The following STPG2 variants were observed in gnomAD, a reference collection of about 807,000 sequenced individuals.
STPG2 encodes sperm tail PG-rich repeat containing 2.
STPG2 carries 56 observed loss-of-function variants against 54.2 expected under a neutral mutation model. The observed-to-expected ratio is 1.03, with a 90% CI of 0.83 to 1.29. The LOEUF is 1.29. Ranked by LOEUF, STPG2 falls within the 50% of genes most tolerant of loss-of-function variation. The pLI, the probability that STPG2 is intolerant of heterozygous loss-of-function variation, is 0.00. For synonymous variants in STPG2, 200 were observed against 181.8 expected, an observed-to-expected ratio of 1.10 and a Z score of -0.81; for missense variants, 596 against 544.9, an observed-to-expected ratio of 1.09 and a Z score of -0.93.
At chr4:98,120,603 T>C (rs1042559965) in intron 3 of STPG2, among the ~76,000 whole-genome samples, 1 of 152,204 alleles carries the variant, frequency 6.6e-6, no homozygotes, top group African/African-American at 2.4e-5. Context: ...ATAATCGCCA[T>C]TCTGACTGGT....
chr4:97,747,221 C>A (rs1725445206), intron 9 of STPG2, among the ~76,000 whole-genome samples: 1 of 151,300 alleles, frequency 6.6e-6, no homozygotes. Flanking sequence ...AACTTCCATG[C>A]ACTGCAATCT....
chr4:97,486,156 A>T (rs904437406), intron 4 of STPG2, among the ~76,000 whole-genome samples: 1 of 151,924 alleles, frequency 6.6e-6, no homozygotes, highest in Non-Finnish European at 1.5e-5. Flanking sequence ...AATGCAATAG[A>T]AAAAGAGTAA....
chr4:98,115,284 G>C (rs1472428826), intron 3 of STPG2, among the ~76,000 whole-genome samples: 3 of 151,878 alleles, frequency 2.0e-5, no homozygotes, highest in African/African-American at 7.2e-5. Context: ...CACACAGGTA[G>C]TTCCCAGCAT....
At chr4:98,036,578 T>C (rs1356523361) in intron 5 of STPG2, among the ~76,000 whole-genome samples, 19 of 151,402 alleles carry the variant, frequency 1.3e-4, no homozygotes, top group Non-Finnish European at 4.4e-5. Flanking sequence ...ATACCACGTA[T>C]TCTGTCTTAT....
rs1384259424 is a variant in STPG2, at chr4:97,493,094, T to C, written c.462+219605A>G. 2.7e-5 allele frequency among the ~76,000 whole-genome samples: 4 copies of C among 150,856 alleles called. No homozygotes were observed. The South Asian group carries it at 8.4e-4, about 32-fold the overall frequency. On this transcript the variant is annotated intron_variant, in intron 4 of 4. Coordinates refer to the STPG2 transcript ENST00000522676. ...GTACTGACTCATCCTATAATATGTC[T>C]AGCTACTTTGCAGGATAGGCCACCT...
chr4:98,141,459 T>C (rs1740278530), intron 1 of STPG2, among the ~76,000 whole-genome samples: 1 of 152,140 alleles, frequency 6.6e-6, no homozygotes, highest in African/African-American at 2.4e-5. Context: ...ACAACAAAAC[T>C]TGGTCTCCAC....
intron 8 of STPG2, among the ~76,000 whole-genome samples, chr4:97,848,449 C>G (rs1246599337): frequency 6.6e-6 from 1 of 152,058 alleles, no homozygotes; most frequent in African/African-American, 2.4e-5. Context: ...ACTATTCTCT[C>G]AAATTAGTGA....
At chr4:97,725,796 A>C (rs1335554415) in intron 9 of STPG2, among the ~76,000 whole-genome samples, 1 of 151,914 alleles carries the variant, frequency 6.6e-6, no homozygotes, top group Non-Finnish European at 1.5e-5. Flanking sequence ...TATAAAACAT[A>C]AACGACCTGA....
chr4:97,840,815 T>G lies in STPG2; in HGVS notation c.1162A>C (p.Ser388Arg). 2 of 1,612,106 alleles carry G rather than the reference T, an allele frequency of 1.2e-6. No individual in the cohort carries two copies. The highest frequency in any genetic ancestry group is 1.7e-6 in the Non-Finnish European group (2 of 1,178,546). Residue 388 changes from serine (S) to arginine (R), a missense_variant, in exon 9 of 11, where the codon AGT (serine) becomes CGT (arginine). Ser to Arg is a moderately radical substitution (Grantham distance 110). Transcript: ENST00000295268. ...TTTTCTAGGCACCGAGGAGTTGCAC[T>G]AAGAAAAGAGGCATGTTTTCTTTTA... ...VAKRKHASFL[S>R]ATPRCLEKVT...
intron 9 of STPG2, among the ~76,000 whole-genome samples, chr4:97,826,108 C>T (rs988922447): frequency 6.6e-6 from 1 of 152,152 alleles, no homozygotes; most frequent in Non-Finnish European, 1.5e-5. Flanking sequence ...TGTCTGATGT[C>T]ATAGGCTCCA....
intron 8 of STPG2, among the ~76,000 whole-genome samples, chr4:97,894,106 A>G (rs113622833): frequency 3.3e-5 from 5 of 151,976 alleles, no homozygotes; most frequent in Admixed American, 6.6e-5. Flanking sequence ...TAGATGTATA[A>G]AAGTTTGGCC....
intron 7 of STPG2, among the ~76,000 whole-genome samples, chr4:97,953,220 A>G (rs1174224439): frequency 2.0e-5 from 3 of 152,138 alleles, no homozygotes; most frequent in Non-Finnish European, 4.4e-5. Context: ...TCTATGGAGG[A>G]GCATATCTGC....
At chr4:97,990,432 GA>G (rs1397227368) in intron 5 of STPG2, among the ~76,000 whole-genome samples, 2 of 152,134 alleles carry the variant, frequency 1.3e-5, no homozygotes, top group East Asian at 3.9e-4. Context: ...CCTCAAAGTT[GA>G]AAATGCTGTG....
At chr4:98,140,580 G>T (rs1740253234) in intron 1 of STPG2, among the ~76,000 whole-genome samples, 1 of 152,118 alleles carries the variant, frequency 6.6e-6, no homozygotes. Context: ...ATCAACAGGA[G>T]TAGTCAGGGA....
chr4:97,716,708 G>A (rs1278825872), intron 9 of STPG2, among the ~76,000 whole-genome samples: 2 of 150,472 alleles, frequency 1.3e-5, no homozygotes, highest in Non-Finnish European at 3.0e-5. Flanking sequence ...GGGGTGGGGG[G>A]TGGAAGGCTA....
At chr4:98,005,341 T>G (rs578258838) in intron 5 of STPG2, among the ~76,000 whole-genome samples, 1 of 152,286 alleles carries the variant, frequency 6.6e-6, no homozygotes, top group East Asian at 1.9e-4. Context: ...CTTTGCATCC[T>G]TCAATCCAAT....
chr4:98,111,792 A>C (rs1320340015), intron 3 of STPG2, among the ~76,000 whole-genome samples: 1 of 152,100 alleles, frequency 6.6e-6, no homozygotes, highest in Non-Finnish European at 1.5e-5. Context: ...GGCACCTTTC[A>C]ATCAGCTGAG....
chr4:97,635,215 C>G (rs373454150), intron 10 of STPG2, among the ~76,000 whole-genome samples: 10 of 152,062 alleles, frequency 6.6e-5, no homozygotes, highest in Non-Finnish European at 8.8e-5. Flanking sequence ...AATTTTCAAC[C>G]CAGAATTTCA....
intron 4 of STPG2, among the ~76,000 whole-genome samples, chr4:97,457,437 T>A (rs1408276460): frequency 2.6e-5 from 4 of 152,224 alleles, no homozygotes; most frequent in Non-Finnish European, 4.4e-5. Context: ...GAAGCTTAAC[T>A]AGGCATAGGC....
Sources: gnomAD v4.1 joint callset for allele counts (sites outside exome capture counted in the v4.1 genomes callset) on GRCh38, gnomAD v4.1.1 for gene constraint, MANE v1.5 for transcripts, NCBI Gene and HGNC (gene_info 2026-07-23, HGNC 2026-07-21) for gene names.